CAMTA1: variants seen among roughly 807,000 people sequenced by gnomAD.
CAMTA1 encodes calmodulin-binding transcription activator 1.
A neutral mutation model predicts 170.9 loss-of-function variants in CAMTA1; 27 were observed. The observed-to-expected ratio is 0.16, with a 90% CI of 0.12 to 0.22. The LOEUF (loss-of-function observed/expected upper bound fraction) is 0.22, where lower values mean the gene tolerates loss of function less well. Among genes scored for constraint, CAMTA1 ranks in the 10% least tolerant of loss-of-function variants. The probability of loss-of-function intolerance (pLI) is 1.00; values close to 1 mark genes in which losing one functional copy is unlikely to be tolerated. For synonymous variants in CAMTA1, 833 were observed against 891.5 expected, an observed-to-expected ratio of 0.93 and a Z score of 1.17; for missense variants, 1,619 against 2,217.2, an observed-to-expected ratio of 0.73 and a Z score of 5.42.
At chr1:6,888,326 G>A in intron 3 of CAMTA1, 1 of 830,376 alleles carries the variant, frequency 1.2e-6, no homozygotes, top group Non-Finnish European at 1.5e-6. Context: ...TGTTGTGATT[G>A]AAGTAACTGG....
Position 7,193,856 on chromosome 1 carries a change from C to T in CAMTA1, c.303-55635C>T, listed in dbSNP as rs533424749. The stretch of plus-strand genomic sequence containing the variant: ...AGGTGGATTTTACAGAAGAGGCTGA[C>T]GGCCCGAAGGGGAGGCTAGCCATCA... On this transcript the variant is annotated intron_variant, in intron 4 of 22. Coordinates refer to ENST00000303635, the MANE Select transcript of CAMTA1 (RefSeq NM_015215.4). Among the ~76,000 whole-genome samples, 50 of 152,310 alleles carry T rather than the reference C, an allele frequency of 3.3e-4. No individual in the cohort carries two copies. The South Asian group carries it at 4.1e-3, about 13-fold the overall frequency.
At chr1:7,458,825 A>C (rs2093019111) in intron 5 of CAMTA1, among the ~76,000 whole-genome samples, 1 of 152,240 alleles carries the variant, frequency 6.6e-6, no homozygotes, top group African/African-American at 2.4e-5. Flanking sequence ...AGCCCTGGTC[A>C]ATGACGATCT....
chr1:7,443,205 T>C lies in CAMTA1; in HGVS notation c.439-24625T>C, dbSNP rs2092592733. 6.6e-6 allele frequency among the ~76,000 whole-genome samples: 1 copy of C among 152,228 alleles called. No individual in the cohort carries two copies. The highest frequency in any genetic ancestry group is 1.5e-5 in the Non-Finnish European group (1 of 68,038). ...CCAGCTCAGTCACACATAAGCTTCATACCCTAGACGTGTATGATGATCTGC... is the reference window on the plus strand; with the variant it reads ...CCAGCTCAGTCACACATAAGCTTCACACCCTAGACGTGTATGATGATCTGC... On this transcript the variant is annotated intron_variant, in intron 5 of 22. Transcript: ENST00000303635. This position sits in a 1 kb window ranked among gnomAD's most constrained non-coding sequence, Gnocchi z 4.1.
rs979746813 is a variant in CAMTA1, at chr1:7,738,751, A to G, written c.4182+269A>G. ...ACCAACTTCTCAGAACTCACTGAGG[A>G]CCCTACAGTACGTCATCTGCTTCCT... On this transcript the variant is annotated intron_variant, in intron 16 of 22. Transcript: ENST00000303635. This position sits in a 1 kb window ranked among gnomAD's most constrained non-coding sequence, Gnocchi z 4.9. Among the ~76,000 whole-genome samples the G allele has an allele frequency of 2.6e-5, 4 of 152,024 alleles. No homozygotes were observed. The highest frequency in any genetic ancestry group is 5.9e-5 in the Non-Finnish European group (4 of 68,002).
chr1:7,082,062 A>G (rs938765192), intron 3 of CAMTA1, among the ~76,000 whole-genome samples: 4 of 152,066 alleles, frequency 2.6e-5, no homozygotes, highest in Non-Finnish European at 4.4e-5. Context: ...GCAGGATCCT[A>G]TTGCCTCTAT....
intron 22 of CAMTA1, among the ~76,000 whole-genome samples, chr1:7,756,228 G>T (rs1205072298): frequency 6.6e-6 from 1 of 151,920 alleles, no homozygotes; most frequent in East Asian, 1.9e-4. Flanking sequence ...GGTGCTGTGA[G>T]GTAAGTCACT....
chr1:7,553,351 G>C (rs551334515), intron 6 of CAMTA1, among the ~76,000 whole-genome samples: 1 of 152,222 alleles, frequency 6.6e-6, no homozygotes, highest in African/African-American at 2.4e-5. Flanking sequence ...GGCAGTGAGG[G>C]AGAGCTGTGC....
chr1:6,946,022 C>G (rs981212958), intron 3 of CAMTA1, among the ~76,000 whole-genome samples: 1 of 152,056 alleles, frequency 6.6e-6, no homozygotes, highest in Non-Finnish European at 1.5e-5. Context: ...GGGCATATAC[C>G]TAAGAGTGAA....
chr1:7,766,593 G>GCACACACA lies in CAMTA1; in HGVS notation c.*108_*115dup. 1.1e-6 allele frequency: 1 copy of GCACACACA among 911,996 alleles called. No homozygotes were observed. The highest frequency in any genetic ancestry group is 2.5e-5 in the East Asian group (1 of 39,648). The allele number at this position is 911,996 out of a possible 1,614,324, so 56.5% of individuals were successfully genotyped here. ...GCAACAACAACACACACGCACACAC[G>GCACACACA]CACACACACACACGTACACACACAT... is the stretch of plus-strand genomic sequence containing the variant. On this transcript the variant is annotated 3_prime_UTR_variant, in exon 23 of 23. Coordinates refer to ENST00000303635, the MANE Select transcript of CAMTA1 (RefSeq NM_015215.4).
At chr1:7,130,185 C>A (rs1008023593) in intron 4 of CAMTA1, among the ~76,000 whole-genome samples, 2 of 152,160 alleles carry the variant, frequency 1.3e-5, no homozygotes, top group African/African-American at 4.8e-5. Context: ...GTGATCCACC[C>A]ACCTTAGCCT....
At chr1:7,013,488 C>T (rs140659153) in intron 3 of CAMTA1, among the ~76,000 whole-genome samples, 47 of 152,284 alleles carry the variant, frequency 3.1e-4, no homozygotes, top group African/African-American at 1.1e-3. Flanking sequence ...GCTGGGATTA[C>T]AGGCGTGAGC....
rs1704455732 is a variant in CAMTA1, at chr1:7,041,480, C to A, written c.235-49824C>A. Among the ~76,000 whole-genome samples, 1 of 152,220 alleles carries A rather than the reference C, an allele frequency of 6.6e-6. No individual in the cohort carries two copies. Reference sequence around the variant, plus strand: ...AGAGTCTCTTAAGCTAGATTTATATCTGATTTTGCATTGAACTGTGTCGTT... The same window carrying A: ...AGAGTCTCTTAAGCTAGATTTATATATGATTTTGCATTGAACTGTGTCGTT... On this transcript the variant is annotated intron_variant, in intron 3 of 22. Coordinates refer to ENST00000303635, the MANE Select transcript of CAMTA1 (RefSeq NM_015215.4). This position sits in a 1 kb window ranked among gnomAD's most constrained non-coding sequence, Gnocchi z 5.1.
intron 1 of CAMTA1, chr1:6,806,974 C>G (rs1557591867): frequency 1.8e-6 from 1 of 560,076 alleles, no homozygotes; most frequent in East Asian, 2.9e-5. Context: ...AAGTGCCTAT[C>G]TGTGCCAGGC....
intron 3 of CAMTA1, among the ~76,000 whole-genome samples, chr1:6,859,180 A>T (rs1248486946): frequency 6.6e-6 from 1 of 152,132 alleles, no homozygotes. Flanking sequence ...GGACTTTACA[A>T]ATGCTTGTGT....
rs573671013 is a variant in CAMTA1 at position 6,925,326 on chromosome 1, G to A, written c.234+100116G>A. On this transcript the variant is annotated intron_variant, in intron 3 of 22. Coordinates refer to ENST00000303635, the MANE Select transcript of CAMTA1 (RefSeq NM_015215.4). ...CTCATGCCTCCCCTGCGCGTCATGG[G>A]GTTACACGTGTCCTCACACTGTGCC... Among the ~76,000 whole-genome samples, 29 of 152,328 alleles carry A rather than the reference G, an allele frequency of 1.9e-4. No homozygotes were observed. In the South Asian group the frequency reaches 5.4e-3, roughly 28 times the overall value.
intron 4 of CAMTA1, among the ~76,000 whole-genome samples, chr1:7,174,522 G>T (rs1650349755): frequency 6.6e-6 from 1 of 152,236 alleles, no homozygotes; most frequent in African/African-American, 2.4e-5. Context: ...ATGACTGGAA[G>T]ATTCCAGAAG....
At chr1:7,451,934 AG>A (rs1219928923) in intron 5 of CAMTA1, among the ~76,000 whole-genome samples, 1 of 152,214 alleles carries the variant, frequency 6.6e-6, no homozygotes, top group Non-Finnish European at 1.5e-5. Flanking sequence ...AGGAGTCAGC[AG>A]CCTCATTGGG....
intron 5 of CAMTA1, among the ~76,000 whole-genome samples, chr1:7,264,670 C>T (rs900372760): frequency 1.6e-4 from 24 of 152,246 alleles, no homozygotes; most frequent in African/African-American, 3.1e-4. Context: ...CTAGAAAATG[C>T]GGCAGCGTTA....
intron 3 of CAMTA1, among the ~76,000 whole-genome samples, chr1:7,074,876 A>G (rs914788465): frequency 1.3e-5 from 2 of 152,244 alleles, no homozygotes; most frequent in Non-Finnish European, 2.9e-5. Flanking sequence ...ATGAAGGGAC[A>G]GACACCCTTT....
Sources: allele counts gnomAD v4.1 joint callset (sites outside exome capture counted in the v4.1 genomes callset), GRCh38; gene constraint gnomAD v4.1.1; non-coding constraint Gnocchi (gnomAD v3.1); transcripts MANE v1.5; gene names NCBI Gene and HGNC (gene_info 2026-07-23, HGNC 2026-07-21).